Variants in OSBPL11 observed in about 807,000 individuals in gnomAD.
OSBPL11 encodes the protein oxysterol-binding protein-related protein 11.
Under a neutral mutation model 84.4 loss-of-function variants are expected in OSBPL11, and 33 were observed. The observed-to-expected ratio is 0.39, with a 90% CI of 0.30 to 0.52. The LOEUF (loss-of-function observed/expected upper bound fraction) is 0.52. Among genes scored for constraint, OSBPL11 ranks in the 20% least tolerant of loss-of-function variants. The pLI, the probability that OSBPL11 is intolerant of heterozygous loss-of-function variation, is 0.72. For synonymous variants in OSBPL11, 276 were observed against 310.2 expected, an observed-to-expected ratio of 0.89 and a Z score of 1.16; for missense variants, 736 against 901.1, an observed-to-expected ratio of 0.82 and a Z score of 2.35.
At chr3:125,535,273 C>T (rs1935624130) in intron 11 of OSBPL11, among the ~76,000 whole-genome samples, 1 of 151,790 alleles carries the variant, frequency 6.6e-6, no homozygotes, top group African/African-American at 2.4e-5. Context: ...GACAAACTAC[C>T]AAAGCTCACT....
At chr3:125,569,065 C>T (rs932512982) in intron 5 of OSBPL11, among the ~76,000 whole-genome samples, 1 of 152,126 alleles carries the variant, frequency 6.6e-6, no homozygotes, top group Non-Finnish European at 1.5e-5. Flanking sequence ...TCACCTCAGC[C>T]TCCCGGGTAG....
chr3:125,591,750 A>C lies in OSBPL11; in HGVS notation c.164+2887T>G, dbSNP rs531932653. Among the ~76,000 whole-genome samples the C allele has an allele frequency of 7.2e-5, 11 of 152,346 alleles. No individual in the cohort carries two copies. In the East Asian group the frequency reaches 2.1e-3, roughly 29 times the overall value. On this transcript the variant is annotated intron_variant, in intron 1 of 12. Coordinates refer to ENST00000296220, the MANE Select transcript of OSBPL11 (RefSeq NM_022776.5). Reference sequence around the variant, plus strand: ...TAATTTGTAATGCAGTAGTAGATACACTATCTCACACTGTATTTCAAAATA... The same window carrying C: ...TAATTTGTAATGCAGTAGTAGATACCCTATCTCACACTGTATTTCAAAATA...
chr3:125,566,734 T>A (rs1312872064), intron 6 of OSBPL11, among the ~76,000 whole-genome samples: 1 of 152,058 alleles, frequency 6.6e-6, no homozygotes, highest in Non-Finnish European at 1.5e-5. Context: ...GCACAATTAA[T>A]TTCAACAAAT....
At chr3:125,573,617 CT>C (rs1936274316) in intron 5 of OSBPL11, among the ~76,000 whole-genome samples, 1 of 152,108 alleles carries the variant, frequency 6.6e-6, no homozygotes, top group Admixed American at 6.5e-5. Context: ...AATCCCAGCA[CT>C]TTGGGAGGCC....
rs768961658 is a variant in OSBPL11 at position 125,594,725 on chromosome 3, C to T, written c.76G>A (p.Val26Met). 10 of 1,614,102 alleles carry T rather than the reference C, an allele frequency of 6.2e-6. No homozygotes were observed. In the East Asian group the frequency reaches 8.9e-5, roughly 14 times the overall value. ...EGKLEGQATA[V>M]TPNKNSSCGG... Reference sequence around the variant, plus strand: ...CAGCTGCTGTTCTTGTTCGGGGTCACCGCTGTGGCCTGGCCCTCCAGCTTT... The same window carrying T: ...CAGCTGCTGTTCTTGTTCGGGGTCATCGCTGTGGCCTGGCCCTCCAGCTTT... Residue 26 changes from valine (V) to methionine (M), a missense_variant, in exon 1 of 13, where the codon GTG becomes ATG. Coordinates refer to ENST00000296220, the MANE Select transcript of OSBPL11 (RefSeq NM_022776.5).
chr3:125,579,902 A>G lies in OSBPL11; in HGVS notation c.372T>C (p.Thr124=), dbSNP rs1559846899. The change falls in exon 3 of 13, where the codon ACT becomes ACC. Residue 124 remains threonine (T), a synonymous_variant. Transcript: ENST00000296220. ...ATTGTTCCCCACTGGCAGCGTTTACAGTGAAGGTGTGAGAATCCTCATCAC... is the reference window on the plus strand; with the variant it reads ...ATTGTTCCCCACTGGCAGCGTTTACGGTGAAGGTGTGAGAATCCTCATCAC... ...SPSDEDSHTF[T]VNAASGEQYK... 6.2e-7 allele frequency: 1 copy of G among 1,614,218 alleles called. No homozygotes were observed. The highest frequency in any genetic ancestry group is 1.1e-5 in the South Asian group (1 of 91,084).
chr3:125,565,052 T>C (rs1166500335), intron 6 of OSBPL11, among the ~76,000 whole-genome samples: 1 of 152,168 alleles, frequency 6.6e-6, no homozygotes, highest in Non-Finnish European at 1.5e-5. Context: ...TAAGTAAGCC[T>C]GGGCAACACA....
rs866125426 is a variant in OSBPL11, at chr3:125,595,384, G to A, written c.-584C>T. ...CGGCTCCCGGGGCCGCCTCTCCCAG[G>A]GCCAGAGGCGAGCCACTCGGGACAA... is the stretch of plus-strand genomic sequence containing the variant. On this transcript the variant is annotated 5_prime_UTR_variant, in exon 1 of 13. Transcript: ENST00000296220. 9.2e-5 allele frequency among the ~76,000 whole-genome samples: 14 copies of A among 152,234 alleles called. No homozygotes were observed. Among genetic ancestry groups the A allele is most frequent in the Non-Finnish European group, 1.8e-4 (12 of 67,992 alleles).
chr3:125,560,330 C>T, intron 8 of OSBPL11, 49 bp downstream of exon 8: 1 of 1,341,680 alleles, frequency 7.5e-7, no homozygotes, highest in Non-Finnish European at 9.7e-7. Context: ...TGAACAATTA[C>T]TGGTACAGCC....
intron 8 of OSBPL11, among the ~76,000 whole-genome samples, chr3:125,557,158 A>G (rs1172801232): frequency 2.0e-5 from 3 of 152,184 alleles, no homozygotes; most frequent in African/African-American, 4.8e-5. Flanking sequence ...ATATAATTTC[A>G]TAATATTATT....
At chr3:125,532,697 C>T (rs182790591) in intron 11 of OSBPL11, among the ~76,000 whole-genome samples, 17 of 150,926 alleles carry the variant, frequency 1.1e-4, no homozygotes, top group African/African-American at 3.4e-4. Flanking sequence ...GTAAGTTAAA[C>T]ATAAAACTAC....
intron 11 of OSBPL11, among the ~76,000 whole-genome samples, chr3:125,535,352 TAAAGA>T (rs1363089384): frequency 1.3e-5 from 2 of 149,548 alleles, no homozygotes; most frequent in African/African-American, 2.5e-5. Context: ...AACCTTCCCC[TAAAGA>T]AAAGAACAGA....
intron 8 of OSBPL11, among the ~76,000 whole-genome samples, chr3:125,554,023 G>A (rs928323547): frequency 2.0e-5 from 3 of 152,170 alleles, no homozygotes; most frequent in African/African-American, 4.8e-5. Context: ...GGAGCTGATC[G>A]CACTAGGTAC....
intron 11 of OSBPL11, among the ~76,000 whole-genome samples, chr3:125,537,021 G>A (rs376825173): frequency 1.1e-4 from 16 of 151,720 alleles, no homozygotes; most frequent in Non-Finnish European, 4.4e-5. Flanking sequence ...TTAGCCAGGC[G>A]TGGTGGTCGA....
chr3:125,533,424 C>T (rs557971819), intron 11 of OSBPL11, among the ~76,000 whole-genome samples: 6 of 152,162 alleles, frequency 3.9e-5, no homozygotes, highest in Non-Finnish European at 7.4e-5. Flanking sequence ...AGGGTTTCAT[C>T]ATGTTGGCCA....
At position 125,583,303 on chromosome 3, in the gene OSBPL11, G is replaced by T. The variant is rs979669124; in HGVS notation, c.165-325C>A. Among the ~76,000 whole-genome samples the T allele has an allele frequency of 5.7e-4, 86 of 151,750 alleles. 1 individual carries two copies. The highest frequency in any genetic ancestry group is 5.9e-4 in the Admixed American group (9 of 15,214). ...TATAAGTATTATAAGTGGGATGGCC[G>T]GGCACAGTGGCTCGAACCTGTAATC... is the stretch of plus-strand genomic sequence containing the variant. On this transcript the variant is annotated intron_variant, in intron 1 of 12. Transcript: ENST00000296220.
chr3:125,539,700 C>T (rs1935698198), intron 10 of OSBPL11, among the ~76,000 whole-genome samples: 1 of 152,066 alleles, frequency 6.6e-6, no homozygotes, highest in South Asian at 2.1e-4. Flanking sequence ...CTGCGTGCCT[C>T]GGCCTCCCAA....
intron 10 of OSBPL11, among the ~76,000 whole-genome samples, chr3:125,546,612 A>G (rs1362823471): frequency 6.6e-6 from 1 of 152,140 alleles, no homozygotes; most frequent in Admixed American, 6.5e-5. Context: ...TAAGAAATAC[A>G]TCAATATTAG....
At chr3:125,582,309 G>A (rs973215230) in intron 2 of OSBPL11, among the ~76,000 whole-genome samples, 3 of 151,970 alleles carry the variant, frequency 2.0e-5, no homozygotes, top group Non-Finnish European at 4.4e-5. Flanking sequence ...CACTCCAGCT[G>A]GGTGACAGAG....
Sources: allele counts gnomAD v4.1 joint callset (sites outside exome capture counted in the v4.1 genomes callset), GRCh38; gene constraint gnomAD v4.1.1; transcripts MANE v1.5; gene names NCBI Gene and HGNC (gene_info 2026-07-23, HGNC 2026-07-21).